AUTS2: variants seen among roughly 807,000 people sequenced by gnomAD.
The protein encoded by AUTS2 is autism susceptibility gene 2 protein.
AUTS2 carries 17 observed loss-of-function variants against 112.4 expected under a neutral mutation model. That is an observed-to-expected ratio of 0.15 (90% confidence interval 0.10 to 0.23). AUTS2 has a LOEUF of 0.23. Ranked by LOEUF, AUTS2 falls within the 10% of genes least tolerant of loss-of-function variation. The probability of loss-of-function intolerance (pLI) is 1.00; values close to 1 mark genes in which losing one functional copy is unlikely to be tolerated. For missense variants in AUTS2, 1,510 were observed against 1,701.6 expected, an observed-to-expected ratio of 0.89 and a Z score of 1.98; for synonymous variants, 751 against 702.7, an observed-to-expected ratio of 1.07 and a Z score of -1.09.
intron 2 of AUTS2, among the ~76,000 whole-genome samples, chr7:69,996,726 T>G (rs1798957357): frequency 6.6e-6 from 1 of 152,170 alleles, no homozygotes; most frequent in African/African-American, 2.4e-5. Flanking sequence ...AAGTGCCTGT[T>G]GTAGTATATA....
At chr7:70,476,249 C>G (rs979592951) in intron 5 of AUTS2, among the ~76,000 whole-genome samples, 1 of 152,016 alleles carries the variant, frequency 6.6e-6, no homozygotes, top group Non-Finnish European at 1.5e-5. Context: ...ACAAATGATT[C>G]GTCCAGTGAG....
chr7:70,456,829 C>T (rs997547434), intron 5 of AUTS2, among the ~76,000 whole-genome samples: 7 of 152,238 alleles, frequency 4.6e-5, no homozygotes, highest in Admixed American at 4.6e-4. Flanking sequence ...AACCTGATTT[C>T]ACCTGGCTGC....
At chr7:70,613,014 A>T (rs1013816717) in intron 5 of AUTS2, among the ~76,000 whole-genome samples, 1 of 152,128 alleles carries the variant, frequency 6.6e-6, no homozygotes, top group Non-Finnish European at 1.5e-5. Flanking sequence ...TGCAGGCGAC[A>T]TCAGAGACTT....
intron 4 of AUTS2, among the ~76,000 whole-genome samples, chr7:70,248,375 C>T (rs1216432142): frequency 1.3e-5 from 2 of 152,102 alleles, no homozygotes; most frequent in Non-Finnish European, 2.9e-5. Context: ...CTGCCTGCCT[C>T]GACCTCCCAA....
intron 5 of AUTS2, among the ~76,000 whole-genome samples, chr7:70,593,596 CAT>C (rs1803053558): frequency 6.6e-6 from 1 of 152,180 alleles, no homozygotes; most frequent in Non-Finnish European, 1.5e-5. Flanking sequence ...GTTCACTGCA[CAT>C]GTCTTAATGA....
At chr7:70,057,767 T>G (rs1046538777) in intron 2 of AUTS2, among the ~76,000 whole-genome samples, 1 of 152,182 alleles carries the variant, frequency 6.6e-6, no homozygotes, top group African/African-American at 2.4e-5. Flanking sequence ...AAATGCCATG[T>G]TATAAAATGC....
intron 5 of AUTS2, among the ~76,000 whole-genome samples, chr7:70,666,235 T>C (rs766180172): frequency 1.7e-4 from 26 of 152,230 alleles, no homozygotes; most frequent in Non-Finnish European, 2.9e-4. Context: ...AATGGCATTA[T>C]GGTTTACTGA....
intron 2 of AUTS2, among the ~76,000 whole-genome samples, chr7:70,029,280 T>TA (rs1800665942): frequency 7.1e-6 from 1 of 141,240 alleles, no homozygotes; most frequent in Admixed American, 7.1e-5. Context: ...TTTTTTTTTT[T>TA]AATATTCTCC....
intron 5 of AUTS2, among the ~76,000 whole-genome samples, chr7:70,604,851 GGAAA>G (rs1803649576): frequency 6.6e-6 from 1 of 152,156 alleles, no homozygotes; most frequent in Non-Finnish European, 1.5e-5. Context: ...CTTACAGTGG[GGAAA>G]GAGACTTAAC....
At chr7:69,716,562 C>T (rs1034181568) in intron 1 of AUTS2, among the ~76,000 whole-genome samples, 1 of 152,100 alleles carries the variant, frequency 6.6e-6, no homozygotes, top group African/African-American at 2.4e-5. Flanking sequence ...CCAAGCAGTT[C>T]TCCAGAAGAC....
intron 2 of AUTS2, among the ~76,000 whole-genome samples, chr7:69,990,149 A>G (rs1798685554): frequency 6.6e-6 from 1 of 152,204 alleles, no homozygotes; most frequent in Admixed American, 6.5e-5. Context: ...TTGGTGCCTC[A>G]ATTTCCTTAT....
At chr7:69,992,550 G>T (rs1798781135) in intron 2 of AUTS2, among the ~76,000 whole-genome samples, 1 of 152,146 alleles carries the variant, frequency 6.6e-6, no homozygotes, top group Admixed American at 6.5e-5. Context: ...CTTGGAGAAG[G>T]TTTTGAATGT....
intron 4 of AUTS2, among the ~76,000 whole-genome samples, chr7:70,403,423 A>G (rs1234424480): frequency 1.3e-5 from 2 of 152,220 alleles, no homozygotes; most frequent in African/African-American, 4.8e-5. Flanking sequence ...TTTAAATGCC[A>G]TCTCCTGGCA....
At chr7:69,914,344 C>CACACAGACACAG (rs1795476870) in intron 2 of AUTS2, among the ~76,000 whole-genome samples, 1 of 137,450 alleles carries the variant, frequency 7.3e-6, no homozygotes, top group African/African-American at 2.8e-5. Flanking sequence ...CAGACACAGA[C>CACACAGACACAG]ACACACACAC....
intron 5 of AUTS2, among the ~76,000 whole-genome samples, chr7:70,689,889 T>C (rs181106364): frequency 2.0e-5 from 3 of 152,344 alleles, no homozygotes; most frequent in Admixed American, 6.5e-5. Context: ...ATTTTCATTA[T>C]TGTGGTGATC....
At chr7:70,128,043 T>C (rs1806071671) in intron 3 of AUTS2, among the ~76,000 whole-genome samples, 1 of 149,704 alleles carries the variant, frequency 6.7e-6, no homozygotes, top group South Asian at 2.2e-4. Context: ...CTACCATGAA[T>C]GAGCTTCCCA....
intron 1 of AUTS2, among the ~76,000 whole-genome samples, chr7:69,636,937 T>G (rs920561214): frequency 1.3e-5 from 2 of 152,056 alleles, no homozygotes; most frequent in Non-Finnish European, 2.9e-5. Flanking sequence ...GGCTAATTTT[T>G]TGTATTTTTA....
chr7:70,769,524 A>G (rs2129557966), intron 10 of AUTS2, among the ~76,000 whole-genome samples: 1 of 152,290 alleles, frequency 6.6e-6, no homozygotes, highest in South Asian at 2.1e-4. Context: ...TCTCTACTAA[A>G]AATACAAAAC....
intron 1 of AUTS2, among the ~76,000 whole-genome samples, chr7:69,885,896 T>C (rs1161068761): frequency 6.6e-6 from 1 of 152,262 alleles, no homozygotes. Flanking sequence ...CAGTAAATTA[T>C]GTTTAGTTCT....
Sources: gnomAD v4.1 joint callset for allele counts (sites outside exome capture counted in the v4.1 genomes callset) on GRCh38, gnomAD v4.1.1 for gene constraint, MANE v1.5 for transcripts, NCBI Gene and HGNC (gene_info 2026-07-23, HGNC 2026-07-21) for gene names.